PTPRG: variants seen among roughly 807,000 people sequenced by gnomAD.
PTPRG encodes receptor-type tyrosine-protein phosphatase gamma.
PTPRG carries 102 observed loss-of-function variants against 165.3 expected under a neutral mutation model. The ratio of observed to expected loss-of-function variants is 0.62; its 90% CI spans 0.53 to 0.73. PTPRG has a LOEUF of 0.73. Among genes scored for constraint, PTPRG ranks in the 30% least tolerant of loss-of-function variants. The probability of loss-of-function intolerance (pLI) is 0.00; values close to 1 mark genes in which losing one functional copy is unlikely to be tolerated. For synonymous variants in PTPRG, 675 were observed against 669.5 expected (o/e 1.01, Z -0.13); for missense variants, 1,866 against 1,861.4 (o/e 1.00, Z -0.05).
intron 10 of PTPRG, among the ~76,000 whole-genome samples, chr3:62,198,990 A>T (rs555377977): frequency 6.6e-6 from 1 of 152,320 alleles, no homozygotes; most frequent in East Asian, 1.9e-4. Context: ...TAGGGCTATC[A>T]GTGACCCCAG....
chr3:61,676,361 G>T (rs2107096525), intron 1 of PTPRG, among the ~76,000 whole-genome samples: 1 of 146,926 alleles, frequency 6.8e-6, no homozygotes, highest in African/African-American at 2.5e-5. Context: ...GGAGGCTGAG[G>T]CAGGAGAATG....
At chr3:62,131,923 A>T (rs1703530449) in intron 5 of PTPRG, among the ~76,000 whole-genome samples, 1 of 152,224 alleles carries the variant, frequency 6.6e-6, no homozygotes, top group Non-Finnish European at 1.5e-5. Flanking sequence ...ATGCTGCTAG[A>T]ATTTTAATCT....
intron 10 of PTPRG, among the ~76,000 whole-genome samples, chr3:62,197,195 C>G (rs1398024563): frequency 6.6e-6 from 1 of 152,132 alleles, no homozygotes; most frequent in Non-Finnish European, 1.5e-5. Context: ...ATCCATAGTA[C>G]CTACCCCATA....
chr3:61,813,924 G>C (rs1402291715), intron 2 of PTPRG, among the ~76,000 whole-genome samples: 3 of 141,304 alleles, frequency 2.1e-5, no homozygotes, highest in East Asian at 4.2e-4. Context: ...TTGGAGTCTC[G>C]CTCTGTCACC....
chr3:62,079,944 A>T (rs1361832446), intron 5 of PTPRG, among the ~76,000 whole-genome samples: 1 of 151,718 alleles, frequency 6.6e-6, no homozygotes, highest in Non-Finnish European at 1.5e-5. Context: ...ATAGCCCTCC[A>T]TGTTTCTGTG....
At chr3:61,756,744 T>C (rs949932250) in intron 2 of PTPRG, among the ~76,000 whole-genome samples, 2 of 152,220 alleles carry the variant, frequency 1.3e-5, no homozygotes, top group Non-Finnish European at 2.9e-5. Context: ...AGCAGTAAGA[T>C]GAAATACTGT....
intron 2 of PTPRG, among the ~76,000 whole-genome samples, chr3:61,830,983 T>C (rs1026200999): frequency 2.0e-5 from 3 of 152,234 alleles, no homozygotes; most frequent in Non-Finnish European, 2.9e-5. Context: ...AAAGACCTAA[T>C]GAGAATGTTT....
At chr3:61,740,954 T>C (rs2032957735) in intron 1 of PTPRG, among the ~76,000 whole-genome samples, 2 of 152,222 alleles carry the variant, frequency 1.3e-5, no homozygotes, top group Non-Finnish European at 2.9e-5. Flanking sequence ...ACACACTTTT[T>C]CATTTTACTT....
At chr3:61,940,955 G>T (rs1352854820) in intron 2 of PTPRG, among the ~76,000 whole-genome samples, 11 of 131,842 alleles carry the variant, frequency 8.3e-5, no homozygotes, top group African/African-American at 2.8e-4. Flanking sequence ...CTTATATGAT[G>T]GTCAAACCAA....
intron 7 of PTPRG, among the ~76,000 whole-genome samples, chr3:62,166,123 A>G (rs1266048006): frequency 1.4e-5 from 2 of 147,182 alleles, no homozygotes; most frequent in African/African-American, 5.0e-5. Flanking sequence ...GAAACAGTTC[A>G]TTCAGCTTTT....
At chr3:62,103,481 T>G (rs565686025) in intron 5 of PTPRG, among the ~76,000 whole-genome samples, 160 of 152,224 alleles carry the variant, frequency 1.1e-3, no homozygotes, top group Non-Finnish European at 1.8e-3. Context: ...TTTTAAACCT[T>G]TTTCCTGTTT....
intron 2 of PTPRG, among the ~76,000 whole-genome samples, chr3:61,758,156 G>A (rs2033696118): frequency 7.8e-6 from 1 of 127,808 alleles, no homozygotes; most frequent in Non-Finnish European, 1.8e-5. Flanking sequence ...ACCACACCTG[G>A]CTAATTTTTG....
chr3:61,685,971 C>T (rs1386919969), intron 1 of PTPRG, among the ~76,000 whole-genome samples: 5 of 152,018 alleles, frequency 3.3e-5, no homozygotes, highest in East Asian at 1.9e-4. Flanking sequence ...GATTAGTTAC[C>T]GCTTGTTGGG....
At chr3:62,107,242 A>G (rs1288958414) in intron 5 of PTPRG, among the ~76,000 whole-genome samples, 2 of 152,228 alleles carry the variant, frequency 1.3e-5, no homozygotes, top group Non-Finnish European at 2.9e-5. Context: ...CAACTGTTCC[A>G]GTGATCTATA....
rs781099540 is a variant in PTPRG, at chr3:62,295,156, C to G, written c.*1849C>G. Reference sequence around the variant, plus strand: ...GAGATAAGATGTTCAAGAGAGCATGCTAAGTTGCATGTGCTAGATGAGAGA... The same window carrying G: ...GAGATAAGATGTTCAAGAGAGCATGGTAAGTTGCATGTGCTAGATGAGAGA... On this transcript the variant is annotated 3_prime_UTR_variant, in exon 30 of 30. Transcript: ENST00000474889. The G allele has an allele frequency of 5.9e-5, 9 of 152,144 alleles. No individual in the cohort carries two copies. The highest frequency in any genetic ancestry group is 1.0e-4 in the Non-Finnish European group (7 of 68,016). 9.4% of individuals were successfully genotyped at this position (152,144 alleles called of 1,614,324 possible). A position where few individuals can be genotyped will look rare whatever the true frequency, so the allele number is the denominator to read the frequency against.
At chr3:62,230,769 C>T (rs1363875138) in intron 13 of PTPRG, among the ~76,000 whole-genome samples, 3 of 152,100 alleles carry the variant, frequency 2.0e-5, no homozygotes, top group Non-Finnish European at 2.9e-5. Context: ...AGACAAAACC[C>T]GAAATGTGTC....
At chr3:62,127,349 G>A (rs546919184) in intron 5 of PTPRG, among the ~76,000 whole-genome samples, 6 of 152,326 alleles carry the variant, frequency 3.9e-5, no homozygotes, top group East Asian at 1.9e-4. Flanking sequence ...TAAGAGCCAC[G>A]GAAGGAGGGG....
chr3:62,047,459 G>A (rs1455799357), intron 4 of PTPRG, among the ~76,000 whole-genome samples: 8 of 151,890 alleles, frequency 5.3e-5, no homozygotes, highest in Admixed American at 3.3e-4. Context: ...ATGGGGTTTC[G>A]CCATGTTGGC....
At chr3:62,121,898 C>T (rs574987814) in intron 5 of PTPRG, among the ~76,000 whole-genome samples, 48 of 152,286 alleles carry the variant, frequency 3.2e-4, no homozygotes, top group African/African-American at 8.4e-4. Context: ...ACAAATGGCA[C>T]GTTCTATCAA....
Sources: gnomAD v4.1 joint callset for allele counts (sites outside exome capture counted in the v4.1 genomes callset) on GRCh38, gnomAD v4.1.1 for gene constraint, MANE v1.5 for transcripts, NCBI Gene and HGNC (gene_info 2026-07-23, HGNC 2026-07-21) for gene names.